PID1: variants seen among roughly 807,000 people sequenced by gnomAD.
PID1 encodes the protein PTB-containing, cubilin and LRP1-interacting protein.
In PID1, 10 loss-of-function variants were observed where a neutral mutation model predicts 19.1. The observed-to-expected ratio is 0.52, with a 90% confidence interval of 0.32 to 0.89. PID1 has a LOEUF of 0.89. PID1 is among the 40% of genes least tolerant of loss of function. The pLI, the probability that PID1 is intolerant of heterozygous loss-of-function variation, is 0.03. For missense variants in PID1, 248 were observed against 285.3 expected (o/e 0.87, Z 0.94); for synonymous variants, 130 against 116.0 (o/e 1.12, Z -0.78).
chr2:229,036,630 C>T (rs1346787376), intron 2 of PID1, among the ~76,000 whole-genome samples: 1 of 152,110 alleles, frequency 6.6e-6, no homozygotes, highest in Non-Finnish European at 1.5e-5. Flanking sequence ...CCCCTGTAAA[C>T]CCATCTACTT....
chr2:229,026,176 G>A (rs1693418545), intron 2 of PID1, 68 bp from the exon 3 acceptor site: 5 of 1,030,114 alleles, frequency 4.9e-6, no homozygotes, highest in Admixed American at 1.8e-5. Context: ...TAGACTGAAT[G>A]AGTAGCTGTT....
At chr2:229,143,089 C>G in intron 2 of PID1, among the ~76,000 whole-genome samples, 1 of 147,472 alleles carries the variant, frequency 6.8e-6, no homozygotes, top group Non-Finnish European at 1.5e-5. Context: ...AGTAAACTAT[C>G]ACAAGAACAA....
Position 229,025,634 on chromosome 2 carries a change from A to G in PID1, c.652T>C (p.Ter218ArgextTer20). The part of the protein sequence containing the change: ...VSQELESDDG[*>R] ...TTGCTGAAGCGTCTCAAGTTCATTCAGCCATCATCGGATTCCAATTCCTGG... is the reference window on the plus strand; with the variant it reads ...TTGCTGAAGCGTCTCAAGTTCATTCGGCCATCATCGGATTCCAATTCCTGG... The change falls in exon 3 of 3, where the codon TGA becomes CGA. Residue 218 changes from the stop codon to arginine (R), a stop_lost. Coordinates refer to ENST00000392055, the MANE Select transcript of PID1 (RefSeq NM_001100818.2). 6.2e-7 allele frequency: 1 copy of G among 1,604,110 alleles called. No homozygotes were observed. Among genetic ancestry groups the G allele is most frequent in the Non-Finnish European group, 8.5e-7 (1 of 1,171,586 alleles).
chr2:229,032,945 A>G (rs568100392), intron 2 of PID1, among the ~76,000 whole-genome samples: 91 of 152,300 alleles, frequency 6.0e-4, no homozygotes, highest in Middle Eastern at 3.4e-3. Flanking sequence ...TCGGATCAGG[A>G]GAGAGCAGTG....
At chr2:229,207,178 CATTT>C (rs1223881592) in intron 1 of PID1, among the ~76,000 whole-genome samples, 8 of 152,122 alleles carry the variant, frequency 5.3e-5, no homozygotes, top group Admixed American at 1.3e-4. Flanking sequence ...CACAAGTCTT[CATTT>C]AGAGTAAGAA....
intron 1 of PID1, among the ~76,000 whole-genome samples, chr2:229,208,218 G>A (rs999937231): frequency 6.6e-6 from 1 of 152,124 alleles, no homozygotes; most frequent in African/African-American, 2.4e-5. Flanking sequence ...AAATAGAAGA[G>A]CAAGTGCCCA....
At chr2:229,204,221 C>G (rs1194679690) in intron 1 of PID1, among the ~76,000 whole-genome samples, 2 of 151,904 alleles carry the variant, frequency 1.3e-5, no homozygotes, top group Non-Finnish European at 2.9e-5. Context: ...GGGGAGGAAA[C>G]TATAGTTTAT....
chr2:229,209,476 T>C (rs1000935858), intron 1 of PID1, among the ~76,000 whole-genome samples: 10 of 152,168 alleles, frequency 6.6e-5, no homozygotes, highest in African/African-American at 2.2e-4. Flanking sequence ...TTTCCACTTG[T>C]GCCAACTAGG....
intron 2 of PID1, among the ~76,000 whole-genome samples, chr2:229,082,634 A>T (rs2191836): frequency 0.22 from 33,308 of 152,102 alleles, 5,252 homozygotes; most frequent in African/African-American, 0.43. Flanking sequence ...AAAGGGATGC[A>T]GCTGGCCTTT....
At chr2:229,137,271 G>T (rs1312654346) in intron 2 of PID1, among the ~76,000 whole-genome samples, 1 of 152,182 alleles carries the variant, frequency 6.6e-6, no homozygotes. Context: ...AATGATTTCT[G>T]TCAAATGCGC....
intron 2 of PID1, among the ~76,000 whole-genome samples, chr2:229,046,347 A>AGT (rs35091766): frequency 0.22 from 30,703 of 141,088 alleles, 3,559 homozygotes; most frequent in East Asian, 0.56. Context: ...AAATTAGGAA[A>AGT]GTGTGTGTGT....
chr2:229,089,077 T>C (rs904408224), intron 2 of PID1, among the ~76,000 whole-genome samples: 1 of 152,166 alleles, frequency 6.6e-6, no homozygotes, highest in Non-Finnish European at 1.5e-5. Flanking sequence ...CTTACTTTTA[T>C]ACTCTGAGAC....
chr2:229,028,559 A>G (rs1303921878), intron 2 of PID1, among the ~76,000 whole-genome samples: 1 of 152,256 alleles, frequency 6.6e-6, no homozygotes, highest in African/African-American at 2.4e-5. Flanking sequence ...TGGAATACAT[A>G]CAGAACACCT....
At chr2:229,214,222 G>A (rs370459183) in intron 1 of PID1, among the ~76,000 whole-genome samples, 1 of 152,148 alleles carries the variant, frequency 6.6e-6, no homozygotes, top group South Asian at 2.1e-4. Context: ...AAAGTAGCTT[G>A]CCCAACAGCA....
chr2:229,240,363 C>G (rs1007855902), intron 1 of PID1, among the ~76,000 whole-genome samples: 12 of 152,050 alleles, frequency 7.9e-5, no homozygotes, highest in Admixed American at 7.2e-4. Context: ...TAGAACTTCT[C>G]TATTACTGAG....
intron 1 of PID1, among the ~76,000 whole-genome samples, chr2:229,194,690 T>C (rs547045047): frequency 2.0e-5 from 3 of 152,104 alleles, no homozygotes; most frequent in Admixed American, 1.3e-4. Context: ...GAAATACATA[T>C]AACAGAATGC....
At chr2:229,170,670 A>C (rs1239265453) in intron 1 of PID1, among the ~76,000 whole-genome samples, 1 of 152,148 alleles carries the variant, frequency 6.6e-6, no homozygotes, top group Non-Finnish European at 1.5e-5. Flanking sequence ...TTTTATGGAA[A>C]GTTTAATGTA....
intron 2 of PID1, among the ~76,000 whole-genome samples, chr2:229,052,022 G>A (rs553179493): frequency 6.6e-6 from 1 of 152,254 alleles, no homozygotes; most frequent in South Asian, 2.1e-4. Context: ...GTGGGCTCTG[G>A]GGCTGACAGA....
rs926239336 is a variant in PID1, at chr2:229,059,466, A to C, written c.178-33358T>G. On this transcript the variant is annotated intron_variant, in intron 2 of 2. Transcript: ENST00000392055. ...AATCTCATGTGTATATGTCAGTGTC[A>C]TTATCAACTCCATTAAACAGAGGAA... is the stretch of plus-strand genomic sequence containing the variant. 3.3e-5 allele frequency among the ~76,000 whole-genome samples: 5 copies of C among 152,322 alleles called. No individual in the cohort carries two copies. The East Asian group carries it at 9.6e-4, about 29-fold the overall frequency.
Sources: gnomAD v4.1 joint callset for allele counts (sites outside exome capture counted in the v4.1 genomes callset) on GRCh38, gnomAD v4.1.1 for gene constraint, MANE v1.5 for transcripts, NCBI Gene and HGNC (gene_info 2026-07-23, HGNC 2026-07-21) for gene names.